INTS9: variants seen among roughly 807,000 people sequenced by gnomAD.
INTS9 encodes protein related to CPSF subunits of 74 kDa.
INTS9 carries 55 observed loss-of-function variants against 79.7 expected under a neutral mutation model. The observed-to-expected ratio is 0.69, with a 90% CI of 0.56 to 0.86. INTS9 has a LOEUF of 0.86. INTS9 is among the 40% of genes least tolerant of loss of function. The pLI is 0.00. For missense variants in INTS9, 721 were observed against 831.5 expected (o/e 0.87, Z 1.64); for synonymous variants, 319 against 325.2 (o/e 0.98, Z 0.20).
intron 8 of INTS9, among the ~76,000 whole-genome samples, chr8:28,803,376 T>C (rs1040456984): frequency 1.3e-5 from 2 of 152,232 alleles, no homozygotes; most frequent in Admixed American, 1.3e-4. Context: ...CCAGAAAGGC[T>C]GCAGCTTCAA....
Position 28,836,383 on chromosome 8 carries a change from G to A in INTS9, c.402-1005C>T, listed in dbSNP as rs528487026. Reference sequence around the variant, plus strand: ...TTGATGGCCAGAGGATGACCACAAAGGTAGAAATGGATTTGACACCTTGAA... The same window carrying A: ...TTGATGGCCAGAGGATGACCACAAAAGTAGAAATGGATTTGACACCTTGAA... On this transcript the variant is annotated intron_variant, in intron 5 of 16. Coordinates refer to ENST00000521022, the MANE Select transcript of INTS9 (RefSeq NM_018250.4). Among the ~76,000 whole-genome samples, 9 of 152,260 alleles carry A rather than the reference G, an allele frequency of 5.9e-5. No individual in the cohort carries two copies. The South Asian group carries it at 1.7e-3, about 28-fold the overall frequency.
intron 4 of INTS9, among the ~76,000 whole-genome samples, chr8:28,838,984 G>A (rs539886642): frequency 1.6e-4 from 25 of 152,184 alleles, no homozygotes; most frequent in Non-Finnish European, 2.9e-4. Context: ...CATGTTCTGG[G>A]AGAAGTGAGA....
intron 1 of INTS9, among the ~76,000 whole-genome samples, chr8:28,884,408 C>T (rs1231419795): frequency 6.6e-6 from 1 of 151,924 alleles, no homozygotes; most frequent in Non-Finnish European, 1.5e-5. Flanking sequence ...TGGTCTGGAA[C>T]ACCTGGGCTC....
At chr8:28,841,386 A>C (rs565297175) in intron 4 of INTS9, among the ~76,000 whole-genome samples, 2 of 152,380 alleles carry the variant, frequency 1.3e-5, no homozygotes, top group African/African-American at 4.8e-5. Context: ...TGAAGCAACA[A>C]TAAAGCTAAA....
intron 6 of INTS9, among the ~76,000 whole-genome samples, chr8:28,819,102 A>T (rs1805674979): frequency 6.6e-6 from 1 of 152,200 alleles, no homozygotes. Context: ...TCAAAAAACC[A>T]GCTCTTGGAT....
intron 2 of INTS9, among the ~76,000 whole-genome samples, chr8:28,850,889 C>T (rs1414308954): frequency 1.3e-5 from 2 of 152,196 alleles, no homozygotes; most frequent in African/African-American, 2.4e-5. Context: ...TGAACAGCTT[C>T]TAGCAGATGA....
chr8:28,805,321 T>C (rs1433001716), intron 8 of INTS9, among the ~76,000 whole-genome samples: 2 of 152,212 alleles, frequency 1.3e-5, no homozygotes, highest in Non-Finnish European at 2.9e-5. Flanking sequence ...TGCCTTTGAT[T>C]TTTAATCCAT....
At chr8:28,790,556 G>A (rs1803866717) in intron 10 of INTS9, among the ~76,000 whole-genome samples, 1 of 152,130 alleles carries the variant, frequency 6.6e-6, no homozygotes, top group Non-Finnish European at 1.5e-5. Context: ...TCGAACTCCT[G>A]GCCTCAAGCA....
chr8:28,806,005 C>T (rs983430745), intron 8 of INTS9, among the ~76,000 whole-genome samples: 6 of 151,690 alleles, frequency 4.0e-5, no homozygotes, highest in African/African-American at 7.3e-5. Flanking sequence ...AAAGGTGGAC[C>T]GATCGCTTGA....
chr8:28,878,830 A>C (rs931580043), intron 1 of INTS9, among the ~76,000 whole-genome samples: 8 of 151,910 alleles, frequency 5.3e-5, no homozygotes, highest in African/African-American at 1.5e-4. Flanking sequence ...AAATACAAAA[A>C]TTAGCCAGGT....
chr8:28,768,073 A>T lies in INTS9; in HGVS notation c.*73T>A. The T allele has an allele frequency of 7.1e-7, 1 of 1,404,456 alleles. No individual in the cohort carries two copies. Among genetic ancestry groups the T allele is most frequent in the East Asian group, 2.3e-5 (1 of 43,982 alleles). 87.0% of individuals were successfully genotyped at this position (1,404,456 alleles called of 1,614,324 possible). On this transcript the variant is annotated 3_prime_UTR_variant, in exon 17 of 17. Transcript: ENST00000521022. ...GACACAGTTAATGGCCTCTCATGCC[A>T]CTCCTCAGGTGGCTTGTGAGGGCAG...
chr8:28,777,545 T>A (rs1381680398), intron 13 of INTS9, among the ~76,000 whole-genome samples: 1 of 151,932 alleles, frequency 6.6e-6, no homozygotes, highest in Admixed American at 6.6e-5. Flanking sequence ...AATGACTTTT[T>A]TTTTTTTTGG....
At chr8:28,881,162 C>T (rs1809754740) in intron 1 of INTS9, among the ~76,000 whole-genome samples, 6 of 137,560 alleles carry the variant, frequency 4.4e-5, no homozygotes, top group Non-Finnish European at 6.4e-5. Context: ...CCGCCCCGTC[C>T]GGGAGGTGAG....
intron 10 of INTS9, among the ~76,000 whole-genome samples, chr8:28,790,423 G>T (rs569976614): frequency 2.0e-5 from 3 of 152,128 alleles, no homozygotes; most frequent in African/African-American, 4.8e-5. Flanking sequence ...AATCCCCCAG[G>T]CTCAAGAAAT....
chr8:28,809,233 A>G (rs982764141), intron 8 of INTS9, among the ~76,000 whole-genome samples: 4 of 152,204 alleles, frequency 2.6e-5, no homozygotes, highest in Non-Finnish European at 5.9e-5. Context: ...TGCTGTGATT[A>G]CAGGCATGAG....
intron 6 of INTS9, among the ~76,000 whole-genome samples, chr8:28,820,828 G>C (rs1010165553): frequency 6.6e-6 from 1 of 152,092 alleles, no homozygotes; most frequent in African/African-American, 2.4e-5. Context: ...ACAGTTACTA[G>C]TAGCTGACAG....
intron 6 of INTS9, among the ~76,000 whole-genome samples, chr8:28,820,296 G>T (rs1176603758): frequency 1.3e-5 from 2 of 152,198 alleles, no homozygotes; most frequent in Non-Finnish European, 2.9e-5. Context: ...GGTACCAGTT[G>T]TTCCTTTCCA....
intron 8 of INTS9, among the ~76,000 whole-genome samples, chr8:28,804,217 T>A (rs758960629): frequency 6.6e-6 from 1 of 152,130 alleles, no homozygotes; most frequent in Non-Finnish European, 1.5e-5. Context: ...TGAGCCAATA[T>A]GCTCTGCCAC....
Position 28,780,008 on chromosome 8 carries a change from G to A in INTS9, c.1270+815C>T, listed in dbSNP as rs137885209. Among the ~76,000 whole-genome samples the A allele has an allele frequency of 9.7e-3, 1,467 of 151,422 alleles. 19 individuals carry two copies. The highest frequency in any genetic ancestry group is 0.034 in the African/African-American group (1,411 of 41,284). ...TGTGGGGACAGTCATGCTTGCTGGTGAATTGGCTGAGGTTGCTGCAAGCTG... is the reference window on the plus strand; with the variant it reads ...TGTGGGGACAGTCATGCTTGCTGGTAAATTGGCTGAGGTTGCTGCAAGCTG... On this transcript the variant is annotated intron_variant, in intron 12 of 16. Transcript: ENST00000521022.
Sources: allele counts gnomAD v4.1 joint callset (sites outside exome capture counted in the v4.1 genomes callset), GRCh38; gene constraint gnomAD v4.1.1; transcripts MANE v1.5; gene names NCBI Gene and HGNC (gene_info 2026-07-23, HGNC 2026-07-21).